The following DCBLD1 variants were observed in gnomAD, a reference collection of about 807,000 sequenced individuals.
DCBLD1 encodes the protein discoidin, CUB and LCCL domain containing 1, also known as discoidin, CUB and LCCL domain-containing protein 1.
Under a neutral mutation model 71.5 loss-of-function variants are expected in DCBLD1, and 57 were observed. The observed-to-expected ratio is 0.80, with a 90% CI of 0.64 to 0.99. The LOEUF is 0.99. DCBLD1 is among the 50% of genes least tolerant of loss of function. The pLI is 0.00. For missense variants in DCBLD1, 891 were observed against 923.5 expected (o/e 0.96, Z 0.46); for synonymous variants, 380 against 363.8 (o/e 1.04, Z -0.51).
At chr6:117,484,556 G>A (rs761691580) in intron 1 of DCBLD1, among the ~76,000 whole-genome samples, 4 of 152,006 alleles carry the variant, frequency 2.6e-5, no homozygotes, top group Non-Finnish European at 5.9e-5. Flanking sequence ...GCCATATTAC[G>A]CAGGCTGGTT....
At chr6:117,538,512 A>T in intron 7 of DCBLD1, 108 bp from the exon 8 acceptor site, 1 of 1,040,764 alleles carries the variant, frequency 9.6e-7, no homozygotes, top group Non-Finnish European at 1.4e-6. Context: ...TCCATATCAG[A>T]ATAAAAGTCA....
intron 5 of DCBLD1, among the ~76,000 whole-genome samples, chr6:117,529,787 A>G (rs1159070452): frequency 6.6e-6 from 1 of 152,220 alleles, no homozygotes; most frequent in East Asian, 1.9e-4. Context: ...CCTACAATTA[A>G]TATTAAAAGA....
intron 1 of DCBLD1, 21 bp from the exon 2 acceptor site, chr6:117,503,746 C>G (rs760434674): frequency 2.5e-6 from 4 of 1,611,950 alleles, no homozygotes; most frequent in Non-Finnish European, 3.4e-6. Context: ...CTTTTATTCC[C>G]CCCTTCTTTT....
At chr6:117,561,634 G>A (rs1779586253) in intron 14 of DCBLD1, 1 of 201,768 alleles carries the variant, frequency 5.0e-6, no homozygotes, top group Admixed American at 6.0e-5. Context: ...ACAATAACAT[G>A]TAACTTGCTT....
Position 117,538,907 on chromosome 6 carries a change from C to T in DCBLD1, c.976+72C>T, listed in dbSNP as rs145678784. ...TGTAAATGACTCGTAGTTGAAAATA[C>T]GCTTATTGTTTACATAGGTGCTTCT... On this transcript the variant is annotated intron_variant, in intron 8 of 14. Coordinates refer to ENST00000338728, the MANE Select transcript of DCBLD1 (RefSeq NM_001366458.2). 2,531 of 1,463,120 alleles carry T rather than the reference C, an allele frequency of 1.7e-3. 3 individuals carry two copies. Among genetic ancestry groups the T allele is most frequent in the Non-Finnish European group, 2.1e-3 (2,264 of 1,073,818 alleles). 90.6% of individuals were successfully genotyped at this position (1,463,120 alleles called of 1,614,324 possible). A position where few individuals can be genotyped will look rare whatever the true frequency, so the allele number is the denominator to read the frequency against.
rs1228133728 is a variant in DCBLD1 at position 117,568,189 on chromosome 6, GAT to G, written c.1616-1430_1616-1429del. On this transcript the variant is annotated intron_variant, in intron 14 of 14. Transcript: ENST00000296955. ...CACTCCAGCCTGGGTGACAAAGTGA[GAT>G]CCTGGCTCCAAAAAAGAAAAAAATG... Among the ~76,000 whole-genome samples the G allele has an allele frequency of 2.0e-5, 3 of 152,152 alleles. No individual in the cohort carries two copies. The East Asian group carries it at 5.8e-4, about 29-fold the overall frequency.
At position 117,545,481 on chromosome 6, in the gene DCBLD1, G is replaced by T; in HGVS notation, c.1499G>T (p.Cys500Phe). 2 of 1,613,980 alleles carry T rather than the reference G, an allele frequency of 1.2e-6. No homozygotes were observed. Among genetic ancestry groups the T allele is most frequent in the Admixed American group, 3.3e-5 (2 of 60,008 alleles). The change falls in exon 14 of 15, where the codon TGT (cysteine) becomes TTT (phenylalanine). Residue 500 changes from cysteine to phenylalanine, a missense_variant. Transcript: ENST00000338728. Reference sequence around the variant, plus strand: ...GTTTATGTTACCTTTATTCCAGACTGTTGGAAGCAGATTAAATATCCCTTT... The same window carrying T: ...GTTTATGTTACCTTTATTCCAGACTTTTGGAAGCAGATTAAATATCCCTTT... Reference protein sequence around the residue: ...YGSAEAQKTDCWKQIKYPFAR... With the variant: ...YGSAEAQKTDFWKQIKYPFAR...
chr6:117,495,322 AAGTC>A (rs1554263275), intron 1 of DCBLD1, among the ~76,000 whole-genome samples: 1 of 152,214 alleles, frequency 6.6e-6, no homozygotes, highest in Non-Finnish European at 1.5e-5. Flanking sequence ...AATTTGGACA[AAGTC>A]AGCTAATTCA....
intron 1 of DCBLD1, among the ~76,000 whole-genome samples, chr6:117,502,126 C>T (rs13210963): frequency 0.26 from 38,904 of 152,072 alleles, 5,089 homozygotes; most frequent in South Asian, 0.38. Context: ...GTTCCTGTAG[C>T]GTTGTCCAGC....
chr6:117,488,086 T>A (rs1777151928), intron 1 of DCBLD1, among the ~76,000 whole-genome samples: 1 of 152,120 alleles, frequency 6.6e-6, no homozygotes, highest in Non-Finnish European at 1.5e-5. Context: ...GGAGGGGTTT[T>A]GTGGGATTGT....
At chr6:117,530,863 G>A (rs1778694874) in intron 5 of DCBLD1, among the ~76,000 whole-genome samples, 1 of 152,172 alleles carries the variant, frequency 6.6e-6, no homozygotes, top group Admixed American at 6.5e-5. Context: ...TTATTAAAGA[G>A]TACGATCTTT....
In DCBLD1 at chr6:117,483,898, TC is replaced by T. The variant is rs529395155; in HGVS notation, c.112+1006del. ...ACTAAAACCAATGCCGGCATTTTTT[TC>T]ACTGAACTATGCCTCCATTCTGAAA... On this transcript the variant is annotated intron_variant, in intron 1 of 14. Coordinates refer to ENST00000338728, the MANE Select transcript of DCBLD1 (RefSeq NM_001366458.2). 2.8e-4 allele frequency among the ~76,000 whole-genome samples: 43 copies of T among 152,278 alleles called. No individual in the cohort carries two copies. The East Asian group carries it at 8.1e-3, about 29-fold the overall frequency.
At chr6:117,502,029 G>A (rs1367958673) in intron 1 of DCBLD1, among the ~76,000 whole-genome samples, 2 of 152,136 alleles carry the variant, frequency 1.3e-5, no homozygotes, top group East Asian at 3.9e-4. Context: ...GAATTTGCCT[G>A]TTTTCTGTTC....
chr6:117,556,978 C>CTT (rs34703019), intron 14 of DCBLD1, among the ~76,000 whole-genome samples: 1 of 151,300 alleles, frequency 6.6e-6, no homozygotes, highest in African/African-American at 2.4e-5. Flanking sequence ...TGATGTTGAA[C>CTT]TTTTTTTTTC....
intron 1 of DCBLD1, among the ~76,000 whole-genome samples, chr6:117,483,645 C>T (rs1776982432): frequency 6.6e-6 from 1 of 152,076 alleles, no homozygotes; most frequent in African/African-American, 2.4e-5. Context: ...ATTAAAGCAG[C>T]AACCCCCTTT....
rs1191359217 is a variant in DCBLD1, at chr6:117,519,709, T to C, written c.326-107T>C. 1.1e-5 allele frequency: 15 copies of C among 1,369,432 alleles called. No individual in the cohort carries two copies. The South Asian group carries it at 1.9e-4, about 18-fold the overall frequency. The allele number at this position is 1,369,432 out of a possible 1,614,324, so 84.8% of individuals were successfully genotyped here. A position where few individuals can be genotyped will look rare whatever the true frequency, so the allele number is the denominator to read the frequency against. On this transcript the variant is annotated intron_variant, in intron 2 of 14. Coordinates refer to ENST00000338728, the MANE Select transcript of DCBLD1 (RefSeq NM_001366458.2). ...AGTTGGTAAAGATTATAATCATACA[T>C]ATGTATTGTCTAGTAAATTTGGCCT...
chr6:117,513,059 A>C (rs1343497432), intron 2 of DCBLD1, among the ~76,000 whole-genome samples: 1 of 152,164 alleles, frequency 6.6e-6, no homozygotes, highest in Non-Finnish European at 1.5e-5. Context: ...TTTTTAACCA[A>C]ACCATCATTG....
intron 2 of DCBLD1, among the ~76,000 whole-genome samples, chr6:117,517,369 C>T (rs1444897264): frequency 6.6e-6 from 1 of 152,244 alleles, no homozygotes; most frequent in African/African-American, 2.4e-5. Context: ...AGCTCCACCC[C>T]TGTGGCTTTG....
At chr6:117,498,404 C>T (rs945934098) in intron 1 of DCBLD1, among the ~76,000 whole-genome samples, 3 of 152,192 alleles carry the variant, frequency 2.0e-5, no homozygotes, top group Non-Finnish European at 4.4e-5. Flanking sequence ...CAAGAAATTA[C>T]AGTCGAAAGG....
Sources: gnomAD v4.1 joint callset for allele counts (sites outside exome capture counted in the v4.1 genomes callset) on GRCh38, gnomAD v4.1.1 for gene constraint, MANE v1.5 for transcripts, NCBI Gene and HGNC (gene_info 2026-07-23, HGNC 2026-07-21) for gene names.